TAFA2: variants seen among roughly 807,000 people sequenced by gnomAD.
TAFA2 encodes chemokine-like protein TAFA-2.
Under a neutral mutation model 18.8 loss-of-function variants are expected in TAFA2, and 7 were observed. The ratio of observed to expected loss-of-function variants is 0.37; its 90% CI spans 0.21 to 0.70. The LOEUF (loss-of-function observed/expected upper bound fraction) is 0.70. Among genes scored for constraint, TAFA2 ranks in the 30% least tolerant of loss-of-function variants. TAFA2 has a pLI of 0.53. For synonymous variants in TAFA2, 60 were observed against 54.2 expected, an observed-to-expected ratio of 1.11 and a Z score of -0.47; for missense variants, 122 against 158.1, an observed-to-expected ratio of 0.77 and a Z score of 1.23.
intron 1 of TAFA2, among the ~76,000 whole-genome samples, chr12:62,236,322 T>C (rs1248097487): frequency 6.6e-6 from 1 of 151,264 alleles, no homozygotes; most frequent in Non-Finnish European, 1.5e-5. Context: ...TGGAGTGCAA[T>C]GGTGCAATCT....
Position 62,187,405 on chromosome 12 carries a change from A to G in TAFA2, c.-2+3854T>C, listed in dbSNP as rs752157123. 9.9e-5 allele frequency among the ~76,000 whole-genome samples: 15 copies of G among 152,268 alleles called. No homozygotes were observed. In the South Asian group the frequency reaches 2.1e-3, roughly 21 times the overall value. The stretch of plus-strand genomic sequence containing the variant: ...ATGGAAAATAGTGGAAAAACTATGC[A>G]CCTATAAAGGCAGACATTCTACAAA... On this transcript the variant is annotated intron_variant, in intron 1 of 4. Coordinates refer to ENST00000416284, the MANE Select transcript of TAFA2 (RefSeq NM_178539.5).
chr12:62,027,548 T>C (rs1329117706), intron 1 of TAFA2, among the ~76,000 whole-genome samples: 1 of 151,516 alleles, frequency 6.6e-6, no homozygotes, highest in East Asian at 1.9e-4. Context: ...CCTTTCACAT[T>C]GGAATCCCAA....
intron 1 of TAFA2, among the ~76,000 whole-genome samples, chr12:62,213,150 G>A (rs10784289): frequency 0.17 from 26,342 of 151,998 alleles, 2,505 homozygotes; most frequent in African/African-American, 0.26. Context: ...CCCCACCACG[G>A]TTCATTCCCT....
At chr12:61,878,888 T>A (rs1330354283) in intron 1 of TAFA2, among the ~76,000 whole-genome samples, 2 of 152,170 alleles carry the variant, frequency 1.3e-5, no homozygotes, top group Non-Finnish European at 2.9e-5. Context: ...TCTGTGACCA[T>A]CCTTGGTTCA....
chr12:61,888,363 G>C (rs1427141437), intron 1 of TAFA2, among the ~76,000 whole-genome samples: 1 of 152,146 alleles, frequency 6.6e-6, no homozygotes, highest in Non-Finnish European at 1.5e-5. Flanking sequence ...CATGTTTCTG[G>C]CAAAGGGGGA....
chr12:61,811,681 A>C (rs1417141916), intron 2 of TAFA2, among the ~76,000 whole-genome samples: 1 of 151,354 alleles, frequency 6.6e-6, no homozygotes, highest in Admixed American at 6.6e-5. Context: ...AGGGAGTCAG[A>C]GCATACTCTT....
At chr12:62,112,104 G>A (rs932915267) in intron 1 of TAFA2, among the ~76,000 whole-genome samples, 4 of 152,072 alleles carry the variant, frequency 2.6e-5, no homozygotes, top group Non-Finnish European at 5.9e-5. Flanking sequence ...ACAATTTGGT[G>A]TGTTTTTGCA....
At chr12:62,120,373 A>G (rs1870138890) in intron 1 of TAFA2, among the ~76,000 whole-genome samples, 1 of 152,246 alleles carries the variant, frequency 6.6e-6, no homozygotes, top group Non-Finnish European at 1.5e-5. Flanking sequence ...TAAAGATTCC[A>G]TTTAGTAATT....
intron 1 of TAFA2, among the ~76,000 whole-genome samples, chr12:62,197,843 A>G (rs764999217): frequency 6.6e-6 from 1 of 152,152 alleles, no homozygotes; most frequent in Non-Finnish European, 1.5e-5. Flanking sequence ...TTCTTTAACC[A>G]TTCACCTCTT....
At chr12:61,765,969 T>C (rs1869772568) in intron 2 of TAFA2, among the ~76,000 whole-genome samples, 1 of 152,046 alleles carries the variant, frequency 6.6e-6, no homozygotes, top group African/African-American at 2.4e-5. Flanking sequence ...TTCCATTAAC[T>C]CCTCCACCCC....
chr12:61,717,423 G>T (rs956039161), intron 4 of TAFA2, among the ~76,000 whole-genome samples: 3 of 152,108 alleles, frequency 2.0e-5, no homozygotes, highest in African/African-American at 7.2e-5. Flanking sequence ...TGATGATGGA[G>T]GTGACTCCTA....
chr12:61,920,638 G>T (rs1276346243), intron 1 of TAFA2, among the ~76,000 whole-genome samples: 1 of 152,014 alleles, frequency 6.6e-6, no homozygotes, highest in Non-Finnish European at 1.5e-5. Context: ...ACTGTTTCTT[G>T]CACACGTATG....
chr12:61,806,620 G>T (rs1871624721), intron 2 of TAFA2, among the ~76,000 whole-genome samples: 1 of 152,174 alleles, frequency 6.6e-6, no homozygotes, highest in Non-Finnish European at 1.5e-5. Flanking sequence ...GAAGAAGACA[G>T]AAAAATGTGG....
chr12:61,993,188 C>G (rs1319335680), intron 1 of TAFA2, among the ~76,000 whole-genome samples: 2 of 152,184 alleles, frequency 1.3e-5, no homozygotes, highest in African/African-American at 4.8e-5. Context: ...CCAGAATGCC[C>G]TCCTTCTAAC....
chr12:61,924,260 G>A (rs1458163573), intron 1 of TAFA2, among the ~76,000 whole-genome samples: 2 of 152,086 alleles, frequency 1.3e-5, no homozygotes, highest in Non-Finnish European at 2.9e-5. Context: ...TACTCCTCAA[G>A]GAGAGCAACC....
rs1044921092 is a variant in TAFA2 at position 61,922,528 on chromosome 12, C to A, written c.-1-55102G>T. Among the ~76,000 whole-genome samples the A allele has an allele frequency of 2.0e-5, 3 of 152,226 alleles. No individual in the cohort carries two copies. In the South Asian group the frequency reaches 6.2e-4, roughly 31 times the overall value. On this transcript the variant is annotated intron_variant, in intron 1 of 4. Coordinates refer to ENST00000416284, the MANE Select transcript of TAFA2 (RefSeq NM_178539.5). ...AACCCCCTCCCCTAGCCAAGGGAAA[C>A]AGTGAAGGACTGTGCTGTGAGGGAC... is the stretch of plus-strand genomic sequence containing the variant.
intron 4 of TAFA2, among the ~76,000 whole-genome samples, chr12:61,722,008 A>T (rs1025811826): frequency 2.0e-5 from 3 of 152,166 alleles, no homozygotes; most frequent in Non-Finnish European, 4.4e-5. Context: ...CTCCAGCGAT[A>T]TCAAAACATA....
chr12:61,936,229 C>T (rs939856610), intron 1 of TAFA2, among the ~76,000 whole-genome samples: 6 of 152,124 alleles, frequency 3.9e-5, no homozygotes, highest in Non-Finnish European at 8.8e-5. Flanking sequence ...AAACAAAAAT[C>T]ATATGATCAT....
chr12:61,867,727 T>C (rs1327718965), intron 1 of TAFA2, among the ~76,000 whole-genome samples: 1 of 152,166 alleles, frequency 6.6e-6, no homozygotes, highest in Non-Finnish European at 1.5e-5. Context: ...TAAACATAGA[T>C]TTAGTTTATT....
Sources: allele counts gnomAD v4.1 joint callset (sites outside exome capture counted in the v4.1 genomes callset), GRCh38; gene constraint gnomAD v4.1.1; transcripts MANE v1.5; gene names NCBI Gene and HGNC (gene_info 2026-07-23, HGNC 2026-07-21).